TAFA1: variants seen among roughly 807,000 people sequenced by gnomAD.
TAFA1 encodes chemokine-like protein TAFA-1.
TAFA1 carries 4 observed loss-of-function variants against 18.5 expected under a neutral mutation model. That is an observed-to-expected ratio of 0.22 (90% CI 0.11 to 0.49). The LOEUF is 0.49. Among genes scored for constraint, TAFA1 ranks in the 20% least tolerant of loss-of-function variants. TAFA1 has a pLI of 0.98. For synonymous variants in TAFA1, 56 were observed against 55.2 expected (o/e 1.01, Z -0.06); for missense variants, 147 against 169.0 (o/e 0.87, Z 0.72).
chr3:68,433,283 C>A (rs2071212450), intron 3 of TAFA1, among the ~76,000 whole-genome samples: 1 of 151,954 alleles, frequency 6.6e-6, no homozygotes, highest in South Asian at 2.1e-4. Context: ...CTGACTAATT[C>A]TCTTTCATCT....
chr3:68,238,084 T>A (rs1334890315), intron 2 of TAFA1, among the ~76,000 whole-genome samples: 1 of 152,196 alleles, frequency 6.6e-6, no homozygotes, highest in Non-Finnish European at 1.5e-5. Flanking sequence ...GGTCACTTTA[T>A]GGATAACATT....
chr3:68,003,445 G>A (rs555923850), upstream of TAFA1, among the ~76,000 whole-genome samples: 1 of 152,172 alleles, frequency 6.6e-6, no homozygotes, highest in African/African-American at 2.4e-5. Context: ...CATCAATCAC[G>A]TTTTCTGCTT....
chr3:68,416,759 C>A (rs545020637), intron 2 of TAFA1, among the ~76,000 whole-genome samples: 1 of 152,100 alleles, frequency 6.6e-6, no homozygotes, highest in Admixed American at 6.6e-5. Flanking sequence ...CTTTCATTTG[C>A]GGATGAAGTC....
intron 2 of TAFA1, among the ~76,000 whole-genome samples, chr3:68,008,572 T>C (rs1704409622): frequency 6.6e-6 from 1 of 152,060 alleles, no homozygotes; most frequent in Non-Finnish European, 1.5e-5. Flanking sequence ...ACACAGGGAA[T>C]AGCTGCCATT....
At chr3:68,270,011 G>T (rs1314096562) in intron 2 of TAFA1, among the ~76,000 whole-genome samples, 2 of 152,244 alleles carry the variant, frequency 1.3e-5, no homozygotes, top group South Asian at 4.1e-4. Context: ...ACCTTGGAAA[G>T]TCTGTGCCCC....
intron 3 of TAFA1, among the ~76,000 whole-genome samples, chr3:68,532,206 T>C (rs2073197709): frequency 6.6e-6 from 1 of 152,110 alleles, no homozygotes. Flanking sequence ...ACCCTGAGGT[T>C]ATAGAAAGAA....
chr3:68,011,177 TC>T (rs1213587180), intron 2 of TAFA1, among the ~76,000 whole-genome samples: 5 of 152,000 alleles, frequency 3.3e-5, no homozygotes, highest in African/African-American at 1.2e-4. Context: ...AAAATATAAA[TC>T]ATCTCAAAAT....
intron 3 of TAFA1, among the ~76,000 whole-genome samples, chr3:68,468,569 A>G (rs2071932964): frequency 6.6e-6 from 1 of 152,236 alleles, no homozygotes; most frequent in Non-Finnish European, 1.5e-5. Context: ...GACAGAGATG[A>G]AACCCAAATC....
At chr3:68,514,202 G>A (rs73097674) in intron 3 of TAFA1, among the ~76,000 whole-genome samples, 31,455 of 151,922 alleles carry the variant, frequency 0.21, 4,125 homozygotes, top group East Asian at 0.43. Context: ...GAATTCTGGG[G>A]GAACATAAAC....
intron 2 of TAFA1, among the ~76,000 whole-genome samples, chr3:68,199,885 G>GGA (rs548571017): frequency 6.5e-4 from 99 of 151,584 alleles, no homozygotes; most frequent in Non-Finnish European, 1.3e-3. Flanking sequence ...ACATTGAAAA[G>GGA]GAGTGGTGAG....
At chr3:68,472,269 TC>T (rs1324001828) in intron 3 of TAFA1, among the ~76,000 whole-genome samples, 1 of 152,058 alleles carries the variant, frequency 6.6e-6, no homozygotes, top group Non-Finnish European at 1.5e-5. Flanking sequence ...AATGGGAGTT[TC>T]CCCATACAAA....
intron 2 of TAFA1, among the ~76,000 whole-genome samples, chr3:68,153,620 A>G (rs1418299013): frequency 6.6e-6 from 1 of 152,130 alleles, no homozygotes; most frequent in Non-Finnish European, 1.5e-5. Context: ...AGGAATTAGC[A>G]TCACTTGTAT....
intron 2 of TAFA1, among the ~76,000 whole-genome samples, chr3:68,407,062 A>G (rs1377938601): frequency 6.6e-6 from 1 of 152,174 alleles, no homozygotes; most frequent in Non-Finnish European, 1.5e-5. Flanking sequence ...TCAGGGAGAT[A>G]ATGATGCCTA....
At chr3:68,072,953 G>A (rs1172937407) in intron 2 of TAFA1, among the ~76,000 whole-genome samples, 22 of 152,298 alleles carry the variant, frequency 1.4e-4, no homozygotes, top group African/African-American at 5.3e-4. Flanking sequence ...TAATTAGTTT[G>A]TTAGAATACA....
At chr3:68,417,196 C>G in intron 2 of TAFA1, 84 bp from the exon 3 acceptor site, 2 of 1,143,984 alleles carry the variant, frequency 1.7e-6, no homozygotes, top group Non-Finnish European at 2.5e-6. Flanking sequence ...TTACTTTCCT[C>G]AACCCCGCTA....
chr3:68,246,558 C>G (rs2067082074), intron 2 of TAFA1, among the ~76,000 whole-genome samples: 1 of 125,430 alleles, frequency 8.0e-6, no homozygotes, highest in Non-Finnish European at 1.6e-5. Context: ...CCACCGCACT[C>G]CAGCCTGGGC....
chr3:68,201,620 T>A lies in TAFA1; in HGVS notation c.118+194876T>A, dbSNP rs142487575. On this transcript the variant is annotated intron_variant, in intron 2 of 4. Transcript: ENST00000478136. ...TCTTGGAGAATTGACTTCTTTATCA[T>A]TGTGCAATGTCTCTCTTTATCCTTG... Among the ~76,000 whole-genome samples, 327 of 151,922 alleles carry A rather than the reference T, an allele frequency of 2.2e-3. 1 individual carries two copies. Among genetic ancestry groups the A allele is most frequent in the Non-Finnish European group, 3.5e-3 (236 of 67,812 alleles).
chr3:68,161,295 A>G (rs2065922849), intron 2 of TAFA1, among the ~76,000 whole-genome samples: 2 of 152,192 alleles, frequency 1.3e-5, no homozygotes, highest in Admixed American at 1.3e-4. Context: ...TTGGAATTTC[A>G]TCTGTGTACT....
chr3:68,458,866 T>C (rs536555256), intron 3 of TAFA1, among the ~76,000 whole-genome samples: 1 of 152,074 alleles, frequency 6.6e-6, no homozygotes, highest in Non-Finnish European at 1.5e-5. Context: ...TACTTAGTAA[T>C]ATCTGGGGCA....
Sources: gnomAD v4.1 joint callset for allele counts (sites outside exome capture counted in the v4.1 genomes callset) on GRCh38, gnomAD v4.1.1 for gene constraint, MANE v1.5 for transcripts, NCBI Gene and HGNC (gene_info 2026-07-23, HGNC 2026-07-21) for gene names.